Variants in B3GALT5 observed in about 807,000 individuals in gnomAD.
B3GALT5 encodes the protein beta-1,3-galactosyltransferase 5.
For missense variants in B3GALT5, 328 were observed against 396.6 expected (o/e 0.83, Z 1.47); for synonymous variants, 156 against 158.6 (o/e 0.98, Z 0.12).
At chr21:39,616,068 A>G (rs1377956017) in intron 1 of B3GALT5, among the ~76,000 whole-genome samples, 1 of 152,018 alleles carries the variant, frequency 6.6e-6, no homozygotes, top group Non-Finnish European at 1.5e-5. Context: ...TTAGTTTGTT[A>G]TTTAAATTTT....
At chr21:39,637,451 G>C (rs752584798) in intron 1 of B3GALT5, among the ~76,000 whole-genome samples, 4 of 152,240 alleles carry the variant, frequency 2.6e-5, no homozygotes, top group Non-Finnish European at 5.9e-5. Flanking sequence ...GTAAACTCTT[G>C]TCATGTCAGT....
At chr21:39,648,631 C>T (rs779088104) in intron 2 of B3GALT5, among the ~76,000 whole-genome samples, 2 of 152,168 alleles carry the variant, frequency 1.3e-5, no homozygotes, top group Non-Finnish European at 2.9e-5. Flanking sequence ...ATGGCCACTC[C>T]CCATGACCAG....
rs2079552411 is a variant in B3GALT5, at chr21:39,663,845, T to C, written c.*2353T>C. Reference sequence around the variant, plus strand: ...GTGGGTTTCCTGGTGCTGTCTTGTCTGGATGTGAGAGTGAGAAACAATGTG... The same window carrying C: ...GTGGGTTTCCTGGTGCTGTCTTGTCCGGATGTGAGAGTGAGAAACAATGTG... On this transcript the variant is annotated 3_prime_UTR_variant, in exon 4 of 4. Transcript: ENST00000684187. The C allele has an allele frequency of 6.6e-6, 1 of 152,204 alleles. No homozygotes were observed. The highest frequency in any genetic ancestry group is 2.4e-5 in the African/African-American group (1 of 41,428). The allele number at this position is 152,204 out of a possible 1,614,324, so 9.4% of individuals were successfully genotyped here.
At chr21:39,627,273 G>A (rs1393326759) in intron 1 of B3GALT5, among the ~76,000 whole-genome samples, 1 of 152,152 alleles carries the variant, frequency 6.6e-6, no homozygotes, top group African/African-American at 2.4e-5. Context: ...GCCATGAAGG[G>A]GAACGAGCAG....
In B3GALT5 at chr21:39,668,877, T is replaced by C. The variant is rs1200552236; in HGVS notation, c.*7385T>C. The C allele has an allele frequency of 6.6e-6, 1 of 152,178 alleles. No homozygotes were observed. The highest frequency in any genetic ancestry group is 1.5e-5 in the Non-Finnish European group (1 of 68,052). 9.4% of individuals were successfully genotyped at this position (152,178 alleles called of 1,614,324 possible). A position where few individuals can be genotyped will look rare whatever the true frequency, so the allele number is the denominator to read the frequency against. On this transcript the variant is annotated 3_prime_UTR_variant, in exon 4 of 4. Coordinates refer to ENST00000684187, the MANE Select transcript of B3GALT5 (RefSeq NM_001356336.2). Reference sequence around the variant, plus strand: ...CCGCCTCATGGGATGATCATGTGGGTTAAATGAGAGGATGAGTATAAACTG... The same window carrying C: ...CCGCCTCATGGGATGATCATGTGGGCTAAATGAGAGGATGAGTATAAACTG...
intron 1 of B3GALT5, among the ~76,000 whole-genome samples, chr21:39,641,708 T>C (rs1271677636): frequency 1.3e-5 from 2 of 152,236 alleles, no homozygotes; most frequent in Non-Finnish European, 2.9e-5. Context: ...GTTTTCTAAA[T>C]GTTAAGCATT....
At chr21:39,626,944 C>T (rs1352335139) in intron 1 of B3GALT5, among the ~76,000 whole-genome samples, 3 of 152,190 alleles carry the variant, frequency 2.0e-5, no homozygotes, top group Non-Finnish European at 4.4e-5. Flanking sequence ...TCTTACGTTC[C>T]TCGCTTGTCC....
chr21:39,635,785 C>T (rs990632878), intron 1 of B3GALT5, among the ~76,000 whole-genome samples: 5 of 152,080 alleles, frequency 3.3e-5, no homozygotes, highest in South Asian at 4.2e-4. Flanking sequence ...TGGCCTCTTC[C>T]GTGCTGTTAA....
rs2079643818 is a variant in B3GALT5, at chr21:39,672,953, C to T, written c.*11461C>T. On this transcript the variant is annotated 3_prime_UTR_variant, in exon 4 of 4. Coordinates refer to ENST00000684187, the MANE Select transcript of B3GALT5 (RefSeq NM_001356336.2). ...CCAGGGCAGATTATGAGGCAGGCAT[C>T]CTTTGGAGTTCTTCTCTCAGGTATA... The T allele has an allele frequency of 6.6e-6, 1 of 152,092 alleles. No homozygotes were observed. Among genetic ancestry groups the T allele is most frequent in the African/African-American group, 2.4e-5 (1 of 41,400 alleles). 9.4% of individuals were successfully genotyped at this position (152,092 alleles called of 1,614,324 possible).
At chr21:39,640,573 C>T (rs761580595) in intron 1 of B3GALT5, among the ~76,000 whole-genome samples, 6 of 152,054 alleles carry the variant, frequency 3.9e-5, no homozygotes, top group Non-Finnish European at 7.4e-5. Flanking sequence ...AGACACGTTT[C>T]GAAGGAATTA....
intron 2 of B3GALT5, among the ~76,000 whole-genome samples, chr21:39,655,830 C>T (rs1483392361): frequency 6.6e-6 from 1 of 152,082 alleles, no homozygotes; most frequent in East Asian, 1.9e-4. Context: ...GGGAGTTTAC[C>T]CCATCCCAGT....
intron 1 of B3GALT5, among the ~76,000 whole-genome samples, chr21:39,635,945 A>G (rs576385650): frequency 1.3e-5 from 2 of 152,318 alleles, no homozygotes; most frequent in South Asian, 4.1e-4. Context: ...CTCCAAGATT[A>G]GAATCTTTGC....
rs961664740 is a variant in B3GALT5, at chr21:39,667,678, A to T, written c.*6186A>T. On this transcript the variant is annotated 3_prime_UTR_variant, in exon 4 of 4. Coordinates refer to ENST00000684187, the MANE Select transcript of B3GALT5 (RefSeq NM_001356336.2). ...GTGGCAGGAGCCATGGAAAATAGAG[A>T]CCCACCCGGTAAGGAGGTAACTGGG... The T allele has an allele frequency of 6.6e-6, 1 of 152,162 alleles. No homozygotes were observed. Among genetic ancestry groups the T allele is most frequent in the African/African-American group, 2.4e-5 (1 of 41,420 alleles). 9.4% of individuals were successfully genotyped at this position (152,162 alleles called of 1,614,324 possible). A position where few individuals can be genotyped will look rare whatever the true frequency, so the allele number is the denominator to read the frequency against.
rs2079589628 is a variant in B3GALT5, at chr21:39,667,655, G to A, written c.*6163G>A. 6.6e-6 allele frequency: 1 copy of A among 152,212 alleles called. No homozygotes were observed. The highest frequency in any genetic ancestry group is 6.5e-5 in the Admixed American group (1 of 15,282). 9.4% of individuals were successfully genotyped at this position (152,212 alleles called of 1,614,324 possible). ...TTGCAGAGCCTCCAGCTTCCATGGT[G>A]GCAGGAGCCATGGAAAATAGAGACC... is the stretch of plus-strand genomic sequence containing the variant. On this transcript the variant is annotated 3_prime_UTR_variant, in exon 4 of 4. Coordinates refer to ENST00000684187, the MANE Select transcript of B3GALT5 (RefSeq NM_001356336.2).
chr21:39,640,585 A>G (rs1037073783), intron 1 of B3GALT5, among the ~76,000 whole-genome samples: 1 of 152,216 alleles, frequency 6.6e-6, no homozygotes, highest in East Asian at 1.9e-4. Context: ...AAGGAATTAA[A>G]CAATTATTTG....
chr21:39,634,919 T>C (rs1230680977), intron 1 of B3GALT5, among the ~76,000 whole-genome samples: 9 of 152,204 alleles, frequency 5.9e-5, no homozygotes, highest in Admixed American at 5.9e-4. Context: ...GAGGAAGCTC[T>C]GTGATCACCC....
At chr21:39,641,796 C>T (rs2079292515) in intron 1 of B3GALT5, among the ~76,000 whole-genome samples, 1 of 152,198 alleles carries the variant, frequency 6.6e-6, no homozygotes, top group Admixed American at 6.5e-5. Flanking sequence ...TGCTCTCTTT[C>T]TCCTGGTCTC....
chr21:39,660,255 T>C (rs1290152948), intron 3 of B3GALT5, among the ~76,000 whole-genome samples: 1 of 152,196 alleles, frequency 6.6e-6, no homozygotes, highest in Non-Finnish European at 1.5e-5. Context: ...GAGGACCGAG[T>C]GAGGGACCTG....
intron 2 of B3GALT5, among the ~76,000 whole-genome samples, chr21:39,656,035 T>G (rs2079440803): frequency 6.6e-6 from 1 of 152,120 alleles, no homozygotes; most frequent in Non-Finnish European, 1.5e-5. Flanking sequence ...TCCACTGGCG[T>G]TTTTTACCAG....
Sources: allele counts gnomAD v4.1 joint callset (sites outside exome capture counted in the v4.1 genomes callset), GRCh38; gene constraint gnomAD v4.1.1; transcripts MANE v1.5; gene names NCBI Gene and HGNC (gene_info 2026-07-23, HGNC 2026-07-21).